SCTR: variants seen among roughly 807,000 people sequenced by gnomAD.
SCTR encodes the protein pancreatic secretin receptor.
A neutral mutation model predicts 60.8 loss-of-function variants in SCTR; 56 were observed. That is an observed-to-expected ratio of 0.92 (90% CI 0.74 to 1.15). SCTR has a LOEUF of 1.15. Among genes scored for constraint, SCTR ranks in the 50% most tolerant of loss-of-function variants. SCTR has a pLI of 0.00. For missense variants in SCTR, 562 were observed against 550.4 expected, an observed-to-expected ratio of 1.02 and a Z score of -0.21; for synonymous variants, 202 against 217.0, an observed-to-expected ratio of 0.93 and a Z score of 0.61.
intron 4 of SCTR, among the ~76,000 whole-genome samples, chr2:119,467,304 G>A (rs555773258): frequency 2.7e-3 from 405 of 152,036 alleles, no homozygotes; most frequent in Non-Finnish European, 4.6e-3. Context: ...GCTTGAACCC[G>A]GGAGGTGGGG....
At chr2:119,492,702 C>A (rs1678181361) in intron 2 of SCTR, among the ~76,000 whole-genome samples, 1 of 152,148 alleles carries the variant, frequency 6.6e-6, no homozygotes, top group Admixed American at 6.5e-5. Flanking sequence ...ACCCCTCAAG[C>A]AATCACTTCC....
chr2:119,471,473 C>T (rs919700822), intron 4 of SCTR, among the ~76,000 whole-genome samples: 4 of 152,208 alleles, frequency 2.6e-5, no homozygotes, highest in African/African-American at 9.7e-5. Flanking sequence ...GGATGACAAG[C>T]CCTGGGAAGG....
At chr2:119,523,398 T>C (rs972992707) in intron 1 of SCTR, among the ~76,000 whole-genome samples, 137 of 117,170 alleles carry the variant, frequency 1.2e-3, no homozygotes, top group African/African-American at 4.7e-3. Context: ...GCCGCTATTA[T>C]TATTATTATT....
At chr2:119,476,381 G>C (rs886952633) in intron 3 of SCTR, 3 of 152,266 alleles carry the variant, frequency 2.0e-5, no homozygotes, top group African/African-American at 7.2e-5. Context: ...CCAATAGGCA[G>C]GCCTTTGGTG....
chr2:119,516,301 G>A lies in SCTR; in HGVS notation c.72+7854C>T, dbSNP rs1369473213. Among the ~76,000 whole-genome samples, 26 of 152,160 alleles carry A rather than the reference G, an allele frequency of 1.7e-4. 1 individual carries two copies. Among genetic ancestry groups the A allele is most frequent in the Admixed American group, 1.7e-3 (26 of 15,282 alleles). On this transcript the variant is annotated intron_variant, in intron 1 of 12. Coordinates refer to ENST00000019103, the MANE Select transcript of SCTR (RefSeq NM_002980.3). ...CTGAAGCACTATTCACCATTGCCAA[G>A]ATGTGGGAGCAACTTACGTGTCTCT...
At chr2:119,453,369 A>AG in intron 7 of SCTR, 22 bp from the exon 8 acceptor site, 1 of 1,600,314 alleles carries the variant, frequency 6.2e-7, no homozygotes, top group South Asian at 1.1e-5. Flanking sequence ...AAACAAAGGG[A>AG]GGGGCAGAAG....
chr2:119,450,973 A>G (rs1186155176), intron 9 of SCTR, among the ~76,000 whole-genome samples: 1 of 152,170 alleles, frequency 6.6e-6, no homozygotes, highest in African/African-American at 2.4e-5. Flanking sequence ...AAAAAGTAAA[A>G]CCAAAACAAA....
intron 11 of SCTR, among the ~76,000 whole-genome samples, chr2:119,445,446 T>C (rs1445873816): frequency 6.6e-6 from 1 of 152,132 alleles, no homozygotes; most frequent in Non-Finnish European, 1.5e-5. Flanking sequence ...GGGTGTGGTC[T>C]GAAGGTATGG....
intron 10 of SCTR, among the ~76,000 whole-genome samples, chr2:119,447,530 G>GAGA (rs967581261): frequency 6.6e-6 from 1 of 152,174 alleles, no homozygotes; most frequent in Non-Finnish European, 1.5e-5. Flanking sequence ...AAACACCATG[G>GAGA]AGAAGGTCTC....
chr2:119,460,724 G>A (rs1263832408), intron 7 of SCTR, among the ~76,000 whole-genome samples: 2 of 152,170 alleles, frequency 1.3e-5, no homozygotes, highest in Non-Finnish European at 2.9e-5. Flanking sequence ...GACCGAAAAG[G>A]AAAAGGGACA....
chr2:119,495,403 C>T (rs1349381342), intron 1 of SCTR: 4 of 152,356 alleles, frequency 2.6e-5, no homozygotes, highest in Admixed American at 6.5e-5. Context: ...TCAGCTGTGA[C>T]TTCCTCACTC....
In SCTR at chr2:119,478,657, G is replaced by A. The variant is rs561683009; in HGVS notation, c.301+154C>T. On this transcript the variant is annotated intron_variant, in intron 3 of 12. Coordinates refer to ENST00000019103, the MANE Select transcript of SCTR (RefSeq NM_002980.3). ...ATTTGAGTCCACCCCACATTCCCAA[G>A]CAAGGCTTCTAATCCTTTGCAGTGA... Among the ~76,000 whole-genome samples the A allele has an allele frequency of 1.2e-4, 18 of 152,226 alleles. No homozygotes were observed. In the South Asian group the frequency reaches 3.5e-3, roughly 30 times the overall value.
chr2:119,440,753 A>G (rs542226451), intron 12 of SCTR, among the ~76,000 whole-genome samples: 1 of 152,214 alleles, frequency 6.6e-6, no homozygotes, highest in South Asian at 2.1e-4. Context: ...GTGATTTAAG[A>G]TGGGTCCCCA....
At chr2:119,456,994 T>A (rs187482972) in intron 7 of SCTR, among the ~76,000 whole-genome samples, 4 of 152,318 alleles carry the variant, frequency 2.6e-5, no homozygotes, top group Admixed American at 2.6e-4. Context: ...AAACCAACCC[T>A]GCCAACGCGT....
At chr2:119,517,424 T>G (rs943969006) in intron 1 of SCTR, among the ~76,000 whole-genome samples, 1 of 152,202 alleles carries the variant, frequency 6.6e-6, no homozygotes, top group Non-Finnish European at 1.5e-5. Context: ...CCTCCCCAAG[T>G]GCTGGGATTA....
At chr2:119,443,305 T>C (rs1041276719) in intron 11 of SCTR, among the ~76,000 whole-genome samples, 2 of 152,178 alleles carry the variant, frequency 1.3e-5, no homozygotes, top group African/African-American at 2.4e-5. Flanking sequence ...ATGGGCATGA[T>C]AGAGAATTAA....
intron 1 of SCTR, among the ~76,000 whole-genome samples, chr2:119,522,152 C>T (rs1294610952): frequency 6.6e-6 from 1 of 152,190 alleles, no homozygotes; most frequent in South Asian, 2.1e-4. Context: ...AAAAATTGGC[C>T]GAGCATGGTG....
At chr2:119,445,523 G>C (rs899159833) in intron 11 of SCTR, among the ~76,000 whole-genome samples, 1 of 152,188 alleles carries the variant, frequency 6.6e-6, no homozygotes, top group Non-Finnish European at 1.5e-5. Context: ...GAACCTGTAA[G>C]TAACAGGAAG....
intron 1 of SCTR, among the ~76,000 whole-genome samples, chr2:119,512,340 C>CCTTCTCCTTCT (rs1678980573): frequency 5.4e-5 from 3 of 55,076 alleles, no homozygotes; most frequent in Non-Finnish European, 1.0e-4. Flanking sequence ...CTTCCCCTTC[C>CCTTCTCCTTCT]CCTTCTCCTT....
Sources: allele counts gnomAD v4.1 joint callset (sites outside exome capture counted in the v4.1 genomes callset), GRCh38; gene constraint gnomAD v4.1.1; transcripts MANE v1.5; gene names NCBI Gene and HGNC (gene_info 2026-07-23, HGNC 2026-07-21).